The following AGBL1 variants were observed in gnomAD, a reference collection of about 807,000 sequenced individuals.
The protein encoded by AGBL1 is cytosolic carboxypeptidase 4.
AGBL1 carries 130 observed loss-of-function variants against 118.9 expected under a neutral mutation model. The observed-to-expected ratio is 1.09, with a 90% CI of 0.95 to 1.26. The LOEUF is 1.26. Ranked by LOEUF, AGBL1 falls within the 50% of genes most tolerant of loss-of-function variation. The pLI is 0.00. For synonymous variants in AGBL1, 555 were observed against 478.9 expected (o/e 1.16, Z -2.08); for missense variants, 1,584 against 1,298.1 (o/e 1.22, Z -3.38).
chr15:86,113,786 A>G (rs145440905), intron 1 of AGBL1, among the ~76,000 whole-genome samples: 142 of 152,310 alleles, frequency 9.3e-4, no homozygotes, highest in African/African-American at 3.3e-3. Context: ...CCACTTCCCA[A>G]TAGTACCGTT....
At chr15:86,682,451 C>T (rs1373338536) in intron 22 of AGBL1, among the ~76,000 whole-genome samples, 2 of 152,118 alleles carry the variant, frequency 1.3e-5, no homozygotes, top group Non-Finnish European at 2.9e-5. Context: ...CCAGTGTTCA[C>T]ATTTCTGTGA....
intron 17 of AGBL1, among the ~76,000 whole-genome samples, chr15:86,380,654 A>G (rs755832819): frequency 6.8e-6 from 1 of 147,836 alleles, no homozygotes; most frequent in Non-Finnish European, 1.5e-5. Context: ...CTCTGTCTCT[A>G]AACCCTGCAA....
intron 22 of AGBL1, among the ~76,000 whole-genome samples, chr15:86,895,045 T>A (rs2080102784): frequency 7.6e-6 from 1 of 132,170 alleles, no homozygotes; most frequent in Admixed American, 8.0e-5. Context: ...CATCCCCTTT[T>A]GTTCCTTCTT....
At chr15:86,880,312 T>C (rs1167867644) in intron 22 of AGBL1, among the ~76,000 whole-genome samples, 3 of 152,180 alleles carry the variant, frequency 2.0e-5, no homozygotes, top group African/African-American at 7.2e-5. Context: ...GACCCTTCAC[T>C]GGGAGCTGCC....
chr15:86,649,835 AT>A (rs778975102), intron 21 of AGBL1, among the ~76,000 whole-genome samples: 15 of 151,776 alleles, frequency 9.9e-5, no homozygotes, highest in Non-Finnish European at 8.8e-5. Flanking sequence ...GATTGCATTA[AT>A]TTTTATTTTT....
intron 5 of AGBL1, among the ~76,000 whole-genome samples, chr15:86,198,180 T>C (rs1337180149): frequency 6.6e-6 from 1 of 152,222 alleles, no homozygotes; most frequent in East Asian, 1.9e-4. Flanking sequence ...TTGTCATCTC[T>C]TTCTTTGGTC....
chr15:86,293,096 C>T (rs1438035212), intron 16 of AGBL1, among the ~76,000 whole-genome samples: 3 of 152,268 alleles, frequency 2.0e-5, no homozygotes, highest in East Asian at 3.9e-4. Context: ...TCAACTATTT[C>T]AGTAGAGTAT....
intron 21 of AGBL1, among the ~76,000 whole-genome samples, chr15:86,570,665 C>A (rs776161448): frequency 3.9e-5 from 6 of 152,182 alleles, no homozygotes; most frequent in Non-Finnish European, 5.9e-5. Flanking sequence ...TCGGTCTTAG[C>A]GAGCTTGGTC....
At chr15:86,163,849 G>A (rs1567097255) in intron 5 of AGBL1, among the ~76,000 whole-genome samples, 1 of 152,252 alleles carries the variant, frequency 6.6e-6, no homozygotes, top group Non-Finnish European at 1.5e-5. Context: ...TAGGTGCTAT[G>A]CTAGGCACTT....
At chr15:86,184,614 C>T (rs1302986262) in intron 5 of AGBL1, among the ~76,000 whole-genome samples, 1 of 152,014 alleles carries the variant, frequency 6.6e-6, no homozygotes, top group Non-Finnish European at 1.5e-5. Flanking sequence ...ACAAATCAAA[C>T]GTAGATTTGG....
At chr15:86,165,562 C>G (rs939760668) in intron 5 of AGBL1, among the ~76,000 whole-genome samples, 21 of 152,082 alleles carry the variant, frequency 1.4e-4, no homozygotes, top group African/African-American at 5.1e-4. Flanking sequence ...CAATGGAGAT[C>G]CAAGTTAGAA....
At position 86,137,844 on chromosome 15, in the gene AGBL1, T is replaced by C. The variant is rs1161158323; in HGVS notation, c.52-4160T>C. 3.3e-5 allele frequency among the ~76,000 whole-genome samples: 5 copies of C among 152,186 alleles called. No individual in the cohort carries two copies. The East Asian group carries it at 9.6e-4, about 29-fold the overall frequency. The stretch of plus-strand genomic sequence containing the variant: ...TTTCTCAGAGGCAGCTCCGGAGGAA[T>C]GACTGAAGTGTGTGCAGCATATGAT... On this transcript the variant is annotated intron_variant, in intron 1 of 22. Transcript: ENST00000614907.
At chr15:86,333,602 A>G (rs894732329) in intron 17 of AGBL1, among the ~76,000 whole-genome samples, 1 of 152,222 alleles carries the variant, frequency 6.6e-6, no homozygotes, top group African/African-American at 2.4e-5. Context: ...TCTACTAGAC[A>G]TACAAAGAAG....
chr15:86,079,991 A>G lies in AGBL1; in HGVS notation c.19A>G (p.Ser7Gly). 2 of 1,232,160 alleles carry G rather than the reference A, an allele frequency of 1.6e-6. No individual in the cohort carries two copies. The highest frequency in any genetic ancestry group is 8.2e-5 in the South Asian group (2 of 24,314). 76.3% of individuals were successfully genotyped at this position (1,232,160 alleles called of 1,614,324 possible). ...GAAAAGGATGGCCGAACAAGAAGCTAGTGGGCTACAGGTCCTGCTGCACAC... is the reference window on the plus strand; with the variant it reads ...GAAAAGGATGGCCGAACAAGAAGCTGGTGGGCTACAGGTCCTGCTGCACAC... MAEQEA[S>G]GLQVLLHTLQ... The change falls in exon 1 of 23, where the codon AGT becomes GGT. Residue 7 changes from serine to glycine, a missense_variant. By Grantham distance (56) the Ser-to-Gly change is moderately conservative. Coordinates refer to ENST00000614907, the MANE Select transcript of AGBL1 (RefSeq NM_001386094.1).
chr15:86,721,234 G>A (rs1194838636), intron 22 of AGBL1, among the ~76,000 whole-genome samples: 5 of 152,192 alleles, frequency 3.3e-5, no homozygotes, highest in South Asian at 2.1e-4. Flanking sequence ...GATGAACATC[G>A]ATGCAAAAAT....
chr15:86,590,167 AG>A lies in AGBL1; in HGVS notation c.2994+35632del, dbSNP rs1424815313. On this transcript the variant is annotated intron_variant, in intron 21 of 22. Transcript: ENST00000614907. ...GGGAGCTCGGACAATGGCCAAAAATAGGTTGTATTGGTAAAACACATTATGG... is the reference window on the plus strand; with the variant it reads ...GGGAGCTCGGACAATGGCCAAAAATAGTTGTATTGGTAAAACACATTATGG... 1.4e-4 allele frequency among the ~76,000 whole-genome samples: 21 copies of A among 152,322 alleles called. 1 individual carries two copies. Among genetic ancestry groups the A allele is most frequent in the Admixed American group, 1.2e-3 (18 of 15,300 alleles).
chr15:86,404,524 G>T (rs146718241), intron 18 of AGBL1, among the ~76,000 whole-genome samples: 1 of 152,130 alleles, frequency 6.6e-6, no homozygotes, highest in Non-Finnish European at 1.5e-5. Flanking sequence ...AAGTCCTTTG[G>T]TATAATGACA....
chr15:86,710,283 C>T (rs72763972), intron 22 of AGBL1, among the ~76,000 whole-genome samples: 34,965 of 152,014 alleles, frequency 0.23, 4,829 homozygotes, highest in South Asian at 0.36. Flanking sequence ...GGGTGATGCA[C>T]GTGATTAGAG....
chr15:86,552,994 G>A (rs561476193), intron 20 of AGBL1, among the ~76,000 whole-genome samples: 1 of 152,162 alleles, frequency 6.6e-6, no homozygotes, highest in African/African-American at 2.4e-5. Flanking sequence ...CATGAGGACA[G>A]TAAGTACCAG....
Sources: allele counts gnomAD v4.1 joint callset (sites outside exome capture counted in the v4.1 genomes callset), GRCh38; gene constraint gnomAD v4.1.1; transcripts MANE v1.5; gene names NCBI Gene and HGNC (gene_info 2026-07-23, HGNC 2026-07-21).